BTBD8: variants seen among roughly 807,000 people sequenced by gnomAD.
BTBD8 encodes the protein BTB domain containing 8, also known as BTB/POZ domain-containing protein 8.
In BTBD8, 110 loss-of-function variants were observed where a neutral mutation model predicts 162.9. That is an observed-to-expected ratio of 0.68 (90% CI 0.58 to 0.79). BTBD8 has a LOEUF of 0.79. Among genes scored for constraint, BTBD8 ranks in the 30% least tolerant of loss-of-function variants. The pLI is 0.00. For missense variants in BTBD8, 1,905 were observed against 2,085.4 expected (o/e 0.91, Z 1.68); for synonymous variants, 667 against 716.1 (o/e 0.93, Z 1.10).
At chr1:92,174,134 C>G (rs1650635135) in intron 13 of BTBD8, among the ~76,000 whole-genome samples, 1 of 152,040 alleles carries the variant, frequency 6.6e-6, no homozygotes. Flanking sequence ...ATTTTTAGAG[C>G]TGGCTATTAG....
At chr1:92,171,787 C>T (rs1238206724) in intron 13 of BTBD8, among the ~76,000 whole-genome samples, 1 of 152,148 alleles carries the variant, frequency 6.6e-6, no homozygotes, top group African/African-American at 2.4e-5. Flanking sequence ...AATTAGCCTA[C>T]TTCTTAAAAA....
At chr1:92,100,956 A>G (rs1186583564) in intron 2 of BTBD8, among the ~76,000 whole-genome samples, 1 of 151,836 alleles carries the variant, frequency 6.6e-6, no homozygotes. Context: ...TTTGTGGGGG[A>G]ACAGGTGGTG....
chr1:92,133,390 A>G lies in BTBD8; in HGVS notation c.752+3614A>G, dbSNP rs139752802. On this transcript the variant is annotated intron_variant, in intron 5 of 17. Coordinates refer to ENST00000636805, the MANE Select transcript of BTBD8 (RefSeq NM_001376131.1). ...ACTGTTCTTTCTTTCTCTAAATTAG[A>G]TTGTTGTCATTTTCTAGAGAGAAAA... Among the ~76,000 whole-genome samples, 1,370 of 152,238 alleles carry G rather than the reference A, an allele frequency of 9.0e-3. 15 individuals are homozygous for G. The highest frequency in any genetic ancestry group is 0.031 in the African/African-American group (1,288 of 41,540).
At chr1:92,133,321 G>A (rs1002839021) in intron 5 of BTBD8, among the ~76,000 whole-genome samples, 1 of 152,168 alleles carries the variant, frequency 6.6e-6, no homozygotes, top group African/African-American at 2.4e-5. Flanking sequence ...ATGAGATACA[G>A]TAAGGAAAGA....
chr1:92,131,077 A>G (rs926450752), intron 5 of BTBD8, among the ~76,000 whole-genome samples: 2 of 152,236 alleles, frequency 1.3e-5, no homozygotes, highest in Admixed American at 6.5e-5. Flanking sequence ...ATAGCAGTTC[A>G]TAAATAAAGA....
rs936408215 is a variant in BTBD8, at chr1:92,184,103, G to A, written c.5152G>A (p.Val1718Ile). 1.1e-5 allele frequency: 17 copies of A among 1,551,494 alleles called. No homozygotes were observed. Among genetic ancestry groups the A allele is most frequent in the African/African-American group, 2.7e-5 (2 of 73,034 alleles). ...QDSNLDVTNS[V>I]PEDLSLAQYL... ...TTCAAACTTAGATGTTACAAATTCC[G>A]TTCCTGAAGACTTAAGTTTAGCACA... The change falls in exon 18 of 18, where the codon GTT becomes ATT. Residue 1718 changes from valine (V) to isoleucine (I), a missense_variant. By Grantham distance (29) the Val-to-Ile change is conservative. Coordinates refer to ENST00000636805, the MANE Select transcript of BTBD8 (RefSeq NM_001376131.1).
chr1:92,167,533 G>A (rs1318315868), intron 10 of BTBD8, among the ~76,000 whole-genome samples: 1 of 152,188 alleles, frequency 6.6e-6, no homozygotes, highest in Admixed American at 6.5e-5. Context: ...AACTCCTATT[G>A]TTTATTTCTA....
rs192525313 is a variant in BTBD8 at position 92,115,281 on chromosome 1, G to A, written c.662+7280G>A. ...AGATGGCAGTGATGGCATGGACTGT[G>A]ATCCTGATTCCTCCCATGATGCCAG... is the stretch of plus-strand genomic sequence containing the variant. On this transcript the variant is annotated intron_variant, in intron 4 of 17. Coordinates refer to ENST00000636805, the MANE Select transcript of BTBD8 (RefSeq NM_001376131.1). 9 of 465,372 alleles carry A rather than the reference G, an allele frequency of 1.9e-5. No homozygotes were observed. The East Asian group carries it at 3.6e-4, about 19-fold the overall frequency. The allele number at this position is 465,372 out of a possible 1,614,324, so 28.8% of individuals were successfully genotyped here. A position where few individuals can be genotyped will look rare whatever the true frequency, so the allele number is the denominator to read the frequency against.
rs1648217553 is a variant in BTBD8, at chr1:92,088,625, C to A, written c.150-73C>A. 2.5e-6 allele frequency: 3 copies of A among 1,204,016 alleles called. No homozygotes were observed. In the South Asian group the frequency reaches 6.5e-5, roughly 26 times the overall value. The allele number at this position is 1,204,016 out of a possible 1,614,324, so 74.6% of individuals were successfully genotyped here. A position where few individuals can be genotyped will look rare whatever the true frequency, so the allele number is the denominator to read the frequency against. On this transcript the variant is annotated intron_variant, in intron 1 of 17. Coordinates refer to ENST00000636805, the MANE Select transcript of BTBD8 (RefSeq NM_001376131.1). ...TTTTTAGCTTATGTGTTATTTTAAA[C>A]CTACTTTATAAAAATATGTATACGT...
At chr1:92,111,281 C>G (rs1229840710) in intron 4 of BTBD8, among the ~76,000 whole-genome samples, 1 of 152,206 alleles carries the variant, frequency 6.6e-6, no homozygotes, top group Non-Finnish European at 1.5e-5. Context: ...GTGTGAGCCA[C>G]TGCACCTGGC....
intron 4 of BTBD8, chr1:92,126,530 A>G: frequency 1.9e-6 from 1 of 536,980 alleles, no homozygotes; most frequent in Non-Finnish European, 3.6e-6. Context: ...AGACCGCTTT[A>G]TTTTCGCTAT....
At position 92,171,469 on chromosome 1, in the gene BTBD8, T is replaced by C; in HGVS notation, c.1635+9T>C. On this transcript the variant is annotated intron_variant, in intron 13 of 17. Coordinates refer to ENST00000636805, the MANE Select transcript of BTBD8 (RefSeq NM_001376131.1). Reference sequence around the variant, plus strand: ...TATTCAGTAGCTCGCAGGTAAACTTTCTAAATTTTATAGGTACAAATGAAA... The same window carrying C: ...TATTCAGTAGCTCGCAGGTAAACTTCCTAAATTTTATAGGTACAAATGAAA... The C allele has an allele frequency of 6.7e-7, 1 of 1,485,246 alleles. No homozygotes were observed. Among genetic ancestry groups the C allele is most frequent in the Non-Finnish European group, 9.1e-7 (1 of 1,104,586 alleles). 92.0% of individuals were successfully genotyped at this position (1,485,246 alleles called of 1,614,324 possible).
chr1:92,080,777 C>A, intron 1 of BTBD8, 57 bp downstream of exon 1: 1 of 1,557,622 alleles, frequency 6.4e-7, no homozygotes, highest in South Asian at 1.2e-5. Context: ...ACCTCCGCCC[C>A]GAAGCTGAGG....
intron 1 of BTBD8, among the ~76,000 whole-genome samples, chr1:92,081,292 G>C (rs1648006785): frequency 6.6e-6 from 1 of 152,156 alleles, no homozygotes; most frequent in Non-Finnish European, 1.5e-5. Flanking sequence ...AGCAAATGGA[G>C]GGTCTTCCTG....
At chr1:92,169,809 T>TA (rs2100673673) in intron 12 of BTBD8, among the ~76,000 whole-genome samples, 1 of 152,334 alleles carries the variant, frequency 6.6e-6, no homozygotes, top group South Asian at 2.1e-4. Context: ...TCTTTAGTGG[T>TA]ATCATCAGAA....
At position 92,182,262 on chromosome 1, in the gene BTBD8, A is replaced by G. The variant is rs1367920215; in HGVS notation, c.4579A>G (p.Lys1527Glu). 1 of 1,551,166 alleles carries G rather than the reference A, an allele frequency of 6.4e-7. No homozygotes were observed. Among genetic ancestry groups the G allele is most frequent in the African/African-American group, 1.4e-5 (1 of 73,030 alleles). ...LSSIDSSRKN[K>E]QSVSATEKKN... ...TAGCATTGACTCTTCAAGAAAAAAT[A>G]AACAGAGTGTTTCAGCCACAGAAAA... The change falls in exon 17 of 18, where the codon AAA becomes GAA. Residue 1527 changes from lysine to glutamate, a missense_variant. Lys to Glu is a moderately conservative substitution (Grantham distance 56). Around this residue, in one of 3 missense-constraint regions of BTBD8, gnomAD observed 517 missense variants for 606.6 expected, o/e 0.85. Transcript: ENST00000636805.
chr1:92,080,830 C>T lies in BTBD8; in HGVS notation c.149+110C>T, dbSNP rs1292450726. The T allele has an allele frequency of 2.4e-5, 35 of 1,489,246 alleles. No individual in the cohort carries two copies. In the South Asian group the frequency reaches 4.3e-4, roughly 18 times the overall value. The allele number at this position is 1,489,246 out of a possible 1,614,324, so 92.3% of individuals were successfully genotyped here. On this transcript the variant is annotated intron_variant, in intron 1 of 17. Transcript: ENST00000636805. ...TCCCCCTCCCTCAGCACTTGGTTCT[C>T]CTCGCCTCAGGCGACTGCGGGTCGT...
intron 9 of BTBD8, among the ~76,000 whole-genome samples, chr1:92,153,213 T>G (rs1407971829): frequency 6.6e-6 from 1 of 152,210 alleles, no homozygotes; most frequent in East Asian, 1.9e-4. Context: ...AAAAATTTCT[T>G]GTGTGTTTGC....
At chr1:92,096,570 AGAT>A (rs995260781) in intron 2 of BTBD8, among the ~76,000 whole-genome samples, 2 of 145,484 alleles carry the variant, frequency 1.4e-5, no homozygotes, top group African/African-American at 5.1e-5. Context: ...TTTTTTTTAG[AGAT>A]GATATTTCAT....
Sources: allele counts gnomAD v4.1 joint callset (sites outside exome capture counted in the v4.1 genomes callset), GRCh38; gene constraint gnomAD v4.1.1; regional missense constraint gnomAD v4.1.1; transcripts MANE v1.5; gene names NCBI Gene and HGNC (gene_info 2026-07-23, HGNC 2026-07-21).